NFYC: variants seen among roughly 807,000 people sequenced by gnomAD.
The protein encoded by NFYC is nuclear transcription factor Y subunit gamma, also known as CAAT box DNA-binding protein subunit C.
Under a neutral mutation model 53.1 loss-of-function variants are expected in NFYC, and 25 were observed. The ratio of observed to expected loss-of-function variants is 0.47; its 90% CI spans 0.34 to 0.66. NFYC has a LOEUF of 0.66. Ranked by LOEUF, NFYC falls within the 30% of genes least tolerant of loss-of-function variation. The pLI is 0.01. For synonymous variants in NFYC, 145 were observed against 152.6 expected, an observed-to-expected ratio of 0.95 and a Z score of 0.37; for missense variants, 260 against 422.7, an observed-to-expected ratio of 0.62 and a Z score of 3.38.
chr1:40,753,955 T>G (rs1192838902), intron 5 of NFYC, among the ~76,000 whole-genome samples: 2 of 152,124 alleles, frequency 1.3e-5, no homozygotes, highest in East Asian at 3.9e-4. Flanking sequence ...TTCAGCACCT[T>G]GGGTGCATAT....
At chr1:40,692,539 G>A (rs1642885097) in intron 1 of NFYC, among the ~76,000 whole-genome samples, 1 of 152,262 alleles carries the variant, frequency 6.6e-6, no homozygotes, top group South Asian at 2.1e-4. Flanking sequence ...ACCCAGTTTG[G>A]AAGTGGCCCT....
intron 1 of NFYC, among the ~76,000 whole-genome samples, chr1:40,708,629 A>C (rs1037666110): frequency 6.6e-6 from 1 of 152,138 alleles, no homozygotes; most frequent in Non-Finnish European, 1.5e-5. Context: ...TATTTAAATT[A>C]GTTTGTGTTT....
intron 6 of NFYC, among the ~76,000 whole-genome samples, chr1:40,759,990 T>A (rs193116206): frequency 9.8e-5 from 15 of 152,300 alleles, no homozygotes; most frequent in African/African-American, 3.6e-4. Context: ...AGTTCTCACT[T>A]CGTCACTCAG....
chr1:40,747,243 C>T (rs1202965454), intron 2 of NFYC, among the ~76,000 whole-genome samples: 6 of 18,166 alleles, frequency 3.3e-4, no homozygotes, highest in South Asian at 2.1e-3. Flanking sequence ...GTTGTGCTGA[C>T]GAAAAAAAAA....
At chr1:40,756,315 T>C (rs570133693) in intron 5 of NFYC, among the ~76,000 whole-genome samples, 4 of 152,366 alleles carry the variant, frequency 2.6e-5, no homozygotes, top group African/African-American at 4.8e-5. Context: ...AATTGAGACC[T>C]AGATGAAAAT....
rs1646827774 is a variant in NFYC, at chr1:40,766,709, T to C, written c.828+6T>C. On this transcript the variant is annotated splice_donor_region_variant and intron_variant, in intron 8 of 9. Transcript: ENST00000447388. ...TTGCCACCAATGCTCAACAGGTATG[T>C]GCCCCAGAGACACAAGGCCTGTGTT... 6.2e-7 allele frequency: 1 copy of C among 1,612,196 alleles called. No homozygotes were observed. The highest frequency in any genetic ancestry group is 1.1e-5 in the South Asian group (1 of 91,048).
intron 1 of NFYC, among the ~76,000 whole-genome samples, chr1:40,707,490 AAAAAGAG>A (rs1217157936): frequency 1.9e-5 from 2 of 106,674 alleles, no homozygotes; most frequent in Non-Finnish European, 4.3e-5. Flanking sequence ...CAAAAAAAAA[AAAAAGAG>A]AGAGAGAGAG....
chr1:40,707,195 T>C (rs1197538286), intron 1 of NFYC, among the ~76,000 whole-genome samples: 2 of 150,972 alleles, frequency 1.3e-5, no homozygotes, highest in East Asian at 3.9e-4. Context: ...AATTTTTTTA[T>C]ATATATATGG....
intron 6 of NFYC, among the ~76,000 whole-genome samples, chr1:40,759,040 C>G (rs1257476316): frequency 1.3e-5 from 2 of 152,106 alleles, no homozygotes; most frequent in African/African-American, 4.8e-5. Context: ...TGTACCACCA[C>G]GTGGGAATGT....
rs1647030037 is a variant in NFYC at position 40,770,410 on chromosome 1, A to G, written c.889-299A>G. 6.5e-7 allele frequency: 1 copy of G among 1,547,720 alleles called. No individual in the cohort carries two copies. The highest frequency in any genetic ancestry group is 1.2e-5 in the South Asian group (1 of 83,978). On this transcript the variant is annotated intron_variant, in intron 9 of 9. Coordinates refer to ENST00000447388, the MANE Select transcript of NFYC (RefSeq NM_014223.5). This position sits in a 1 kb window ranked among gnomAD's most constrained non-coding sequence, Gnocchi z 5.3. ...TGTTTGCCACAGAGGAACAGCGTGC[A>G]GCAAGCTCGAGTCTCTGAGCTAACG... is the stretch of plus-strand genomic sequence containing the variant.
chr1:40,766,969 T>G (rs1646843400), intron 8 of NFYC: 1 of 1,551,954 alleles, frequency 6.4e-7, no homozygotes, highest in African/African-American at 1.4e-5. Context: ...GAAAGAAACC[T>G]TACAGGTGTG....
At position 40,759,767 on chromosome 1, in the gene NFYC, G is replaced by A. The variant is rs550476976; in HGVS notation, c.561+1473G>A. Among the ~76,000 whole-genome samples the A allele has an allele frequency of 2.6e-5, 4 of 152,174 alleles. No homozygotes were observed. In the East Asian group the frequency reaches 7.7e-4, roughly 29 times the overall value. On this transcript the variant is annotated intron_variant, in intron 6 of 9. Transcript: ENST00000447388. Reference sequence around the variant, plus strand: ...GGGAAAGGGTGGTATTGCCAGTAGAGGGCACAGCACAGGCAAAGGCTCAGA... The same window carrying A: ...GGGAAAGGGTGGTATTGCCAGTAGAAGGCACAGCACAGGCAAAGGCTCAGA...
chr1:40,695,350 A>C (rs1643069836), intron 1 of NFYC, among the ~76,000 whole-genome samples: 1 of 152,230 alleles, frequency 6.6e-6, no homozygotes, highest in Admixed American at 6.5e-5. Context: ...GATTCATACC[A>C]CAGAATTGTA....
Position 40,710,704 on chromosome 1 carries a change from T to G in NFYC, c.-9+18837T>G, listed in dbSNP as rs139428058. On this transcript the variant is annotated intron_variant, in intron 1 of 9. Coordinates refer to ENST00000447388, the MANE Select transcript of NFYC (RefSeq NM_014223.5). ...GAGGAGAAGTTTCGAGGGTGTCGAT[T>G]TGCCTTCCCTAGCTTCCCCTCTAAT... is the stretch of plus-strand genomic sequence containing the variant. 5.6e-4 allele frequency among the ~76,000 whole-genome samples: 86 copies of G among 152,266 alleles called. 2 individuals are homozygous for G. The East Asian group carries it at 0.01, about 18-fold the overall frequency.
chr1:40,755,116 C>G (rs552368348), intron 5 of NFYC, among the ~76,000 whole-genome samples: 2 of 152,310 alleles, frequency 1.3e-5, no homozygotes, highest in South Asian at 4.1e-4. Flanking sequence ...TCTCCAAAAC[C>G]CACCCTTTCT....
intron 2 of NFYC, among the ~76,000 whole-genome samples, chr1:40,742,379 GC>G (rs1645398253): frequency 6.6e-6 from 1 of 152,172 alleles, no homozygotes; most frequent in Non-Finnish European, 1.5e-5. Context: ...AAGACCCTGG[GC>G]TTTGATTTGT....
At chr1:40,714,386 A>G (rs1644045768) in intron 1 of NFYC, among the ~76,000 whole-genome samples, 1 of 152,168 alleles carries the variant, frequency 6.6e-6, no homozygotes, top group Non-Finnish European at 1.5e-5. Context: ...TTTGAGTAGT[A>G]TTTGTTCTTT....
At chr1:40,757,211 A>G in intron 5 of NFYC, 1 of 305,416 alleles carries the variant, frequency 3.3e-6, no homozygotes, top group South Asian at 3.2e-5. Context: ...TGTGTCACAC[A>G]GGTCACTCCG....
chr1:40,723,508 C>T (rs1209114077), intron 1 of NFYC, among the ~76,000 whole-genome samples: 3 of 152,068 alleles, frequency 2.0e-5, no homozygotes, highest in Non-Finnish European at 4.4e-5. Flanking sequence ...TGAGGATGAA[C>T]AGGTGAGGGA....
Sources: allele counts gnomAD v4.1 joint callset (sites outside exome capture counted in the v4.1 genomes callset), GRCh38; gene constraint gnomAD v4.1.1; non-coding constraint Gnocchi (gnomAD v3.1); transcripts MANE v1.5; gene names NCBI Gene and HGNC (gene_info 2026-07-23, HGNC 2026-07-21).